The following LINC00305 variants were observed in gnomAD, a reference collection of about 807,000 sequenced individuals.
LINC00305 encodes long intergenic non-protein coding RNA 305.
intron 1 of LINC00305, among the ~76,000 whole-genome samples, chr18:64,114,906 T>C (rs756892176): frequency 6.6e-6 from 1 of 152,206 alleles, no homozygotes; most frequent in Non-Finnish European, 1.5e-5. Context: ...GTTGTGATGA[T>C]CATAAACGAA....
intron 1 of LINC00305, among the ~76,000 whole-genome samples, chr18:64,116,645 T>C (rs746148023): frequency 6.6e-6 from 1 of 152,224 alleles, no homozygotes; most frequent in Non-Finnish European, 1.5e-5. Context: ...TATGTGATGA[T>C]GCTTTGACAC....
chr18:64,143,104 C>T (rs576860470), intron 1 of LINC00305, among the ~76,000 whole-genome samples: 12 of 152,182 alleles, frequency 7.9e-5, no homozygotes, highest in African/African-American at 2.2e-4. Context: ...TAAACAGTGA[C>T]GTCAGCATTA....
intron 1 of LINC00305, among the ~76,000 whole-genome samples, chr18:64,108,902 C>T (rs1057117416): frequency 3.3e-5 from 5 of 152,186 alleles, no homozygotes; most frequent in Non-Finnish European, 7.4e-5. Flanking sequence ...AAGAAAGAAA[C>T]ATAATACATC....
chr18:64,145,416 C>A (rs968500287), intron 1 of LINC00305, among the ~76,000 whole-genome samples: 2 of 152,146 alleles, frequency 1.3e-5, no homozygotes, highest in East Asian at 3.9e-4. Flanking sequence ...ATATCCAGTG[C>A]ATTGTTGGCA....
At position 64,137,627 on chromosome 18, in the gene LINC00305, G is replaced by A. The variant is rs1433869583; in HGVS notation, n.314+11148C>T. Among the ~76,000 whole-genome samples, 7 of 152,110 alleles carry A rather than the reference G, an allele frequency of 4.6e-5. 1 individual carries two copies. The highest frequency in any genetic ancestry group is 6.5e-5 in the Admixed American group (1 of 15,272). On this transcript the variant is annotated intron_variant and non_coding_transcript_variant, in intron 1 of 3. Coordinates refer to ENST00000666468, the Ensembl canonical transcript of LINC00305. ...ATCCATAATTAAAATTCCGAAGTTGGGGTTGGTGAGGAGTGATTCTCCTTT... is the reference window on the plus strand; with the variant it reads ...ATCCATAATTAAAATTCCGAAGTTGAGGTTGGTGAGGAGTGATTCTCCTTT...
chr18:64,142,537 G>A (rs1435847462), intron 1 of LINC00305, among the ~76,000 whole-genome samples: 1 of 152,160 alleles, frequency 6.6e-6, no homozygotes, highest in Non-Finnish European at 1.5e-5. Context: ...TGAGTCTCTG[G>A]AGACCAAATA....
chr18:64,107,774 G>T (rs2051297432), intron 1 of LINC00305, among the ~76,000 whole-genome samples: 1 of 152,172 alleles, frequency 6.6e-6, no homozygotes, highest in African/African-American at 2.4e-5. Flanking sequence ...AGAGTCAGAG[G>T]ACTGAAATCC....
intron 1 of LINC00305, among the ~76,000 whole-genome samples, chr18:64,134,609 G>A (rs2051424226): frequency 6.6e-6 from 1 of 152,136 alleles, no homozygotes; most frequent in Admixed American, 6.6e-5. Flanking sequence ...AAATGAGAAT[G>A]TTTAACCAAA....
chr18:64,129,426 G>A (rs1186699560), intron 1 of LINC00305, among the ~76,000 whole-genome samples: 2 of 152,100 alleles, frequency 1.3e-5, no homozygotes, highest in Non-Finnish European at 2.9e-5. Context: ...AGCATGTTCT[G>A]TTCTTGGCTG....
chr18:64,108,789 A>ATTATATATTTTTTCAC (rs897025990), intron 1 of LINC00305, among the ~76,000 whole-genome samples: 4 of 152,182 alleles, frequency 2.6e-5, no homozygotes, highest in Non-Finnish European at 5.9e-5. Context: ...ACATACTTTG[A>ATTATATATTTTTTCAC]TTATATATTT....
chr18:64,137,328 G>T (rs2051439540), intron 1 of LINC00305, among the ~76,000 whole-genome samples: 1 of 152,168 alleles, frequency 6.6e-6, no homozygotes, highest in Non-Finnish European at 1.5e-5. Context: ...CTAGCCTCCA[G>T]AACTGTGAGA....
intron 1 of LINC00305, among the ~76,000 whole-genome samples, chr18:64,107,286 G>A (rs1031892675): frequency 4.6e-5 from 7 of 152,220 alleles, no homozygotes; most frequent in Admixed American, 4.6e-4. Context: ...AGAATGCTTG[G>A]TAGAGGCCAT....
intron 1 of LINC00305, among the ~76,000 whole-genome samples, chr18:64,117,545 C>T (rs1443760842): frequency 6.6e-6 from 1 of 152,186 alleles, no homozygotes; most frequent in Non-Finnish European, 1.5e-5. Context: ...GTGTAAGTTA[C>T]ATTTCAAGCT....
intron 1 of LINC00305, among the ~76,000 whole-genome samples, chr18:64,101,634 G>A (rs1466175737): frequency 1.3e-5 from 2 of 152,174 alleles, no homozygotes; most frequent in African/African-American, 4.8e-5. Context: ...CATTTTAACA[G>A]ATTACATTTA....
chr18:64,147,457 A>G (rs547336353), intron 1 of LINC00305: 5 of 152,296 alleles, frequency 3.3e-5, no homozygotes, highest in African/African-American at 1.2e-4. Context: ...TATCTGCTCT[A>G]TCTTCTGTTT....
chr18:64,144,577 C>A (rs571604367), intron 1 of LINC00305, among the ~76,000 whole-genome samples: 4 of 152,008 alleles, frequency 2.6e-5, no homozygotes, highest in Non-Finnish European at 5.9e-5. Flanking sequence ...GGTCTGATCT[C>A]AGCTCATTGC....
At chr18:64,124,241 C>A (rs1033366000) in intron 1 of LINC00305, among the ~76,000 whole-genome samples, 1 of 152,110 alleles carries the variant, frequency 6.6e-6, no homozygotes, top group Non-Finnish European at 1.5e-5. Context: ...CATGGTCATC[C>A]ACGGATCAGA....
exon 3 of LINC00305, chr18:64,097,854 A>G: frequency 2.2e-6 from 1 of 458,054 alleles, no homozygotes; most frequent in Non-Finnish European, 4.4e-6. Context: ...CATTGAGAGC[A>G]TGTAGAATCT....
At chr18:64,138,520 T>G (rs1031230184) in intron 1 of LINC00305, among the ~76,000 whole-genome samples, 1 of 152,224 alleles carries the variant, frequency 6.6e-6, no homozygotes, top group African/African-American at 2.4e-5. Flanking sequence ...CAGCCCTTTC[T>G]CAAGTTTCTG....
Sources: allele counts gnomAD v4.1 joint callset (sites outside exome capture counted in the v4.1 genomes callset), GRCh38; gene constraint gnomAD v4.1.1; transcripts MANE v1.5; gene names NCBI Gene and HGNC (gene_info 2026-07-23, HGNC 2026-07-21).